ADAMTS9: variants seen among roughly 807,000 people sequenced by gnomAD.
The protein encoded by ADAMTS9 is ADAM metallopeptidase with thrombospondin type 1 motif 9.
A neutral mutation model predicts 257.1 loss-of-function variants in ADAMTS9; 107 were observed. The observed-to-expected ratio is 0.42, with a 90% CI of 0.36 to 0.49. The LOEUF is 0.49. Ranked by LOEUF, ADAMTS9 falls within the 20% of genes least tolerant of loss-of-function variation. ADAMTS9 has a pLI of 0.03. For synonymous variants in ADAMTS9, 982 were observed against 880.9 expected, an observed-to-expected ratio of 1.11 and a Z score of -2.03; for missense variants, 2,353 against 2,469.1, an observed-to-expected ratio of 0.95 and a Z score of 1.00.
chr3:64,635,417 A>G (rs1700471977), intron 12 of ADAMTS9, among the ~76,000 whole-genome samples: 1 of 152,214 alleles, frequency 6.6e-6, no homozygotes, highest in African/African-American at 2.4e-5. Context: ...AGTCTGATCA[A>G]CATTCACCAT....
In ADAMTS9 at chr3:64,654,602, A is replaced by T; in HGVS notation, c.1180T>A (p.Cys394Ser). Residue 394 changes from cysteine (C) to serine (S), a missense_variant, in exon 7 of 40, where the codon TGC (cysteine) becomes AGC (serine). Cys to Ser is a moderately radical substitution (Grantham distance 112). This residue lies in a region of ADAMTS9 where 591 missense variants were observed against 569.6 expected (regional missense o/e 1.04). Coordinates refer to ENST00000498707, the MANE Select transcript of ADAMTS9 (RefSeq NM_182920.2). ...GTATCACATTTGTCGTGAGCTCTGC[A>T]GATATCCTGTCTGAAAGCAAAGCAG... ...TAVLLTRQDICRAHDKCDTLG... is the reference protein window; with the variant it reads ...TAVLLTRQDISRAHDKCDTLG... 1.9e-6 allele frequency: 3 copies of T among 1,614,196 alleles called. No individual in the cohort carries two copies. The highest frequency in any genetic ancestry group is 2.5e-6 in the Non-Finnish European group (3 of 1,180,022).
Position 64,631,913 on chromosome 3 carries a change from C to T in ADAMTS9, c.2188G>A (p.Asp730Asn), listed in dbSNP as rs1308469325. The T allele has an allele frequency of 1.9e-6, 3 of 1,613,062 alleles. No individual in the cohort carries two copies. Among genetic ancestry groups the T allele is most frequent in the East Asian group, 2.2e-5 (1 of 44,842 alleles). ...CGGGCTTTTGAGTTTAAAACATGAT[C>T]GCATCCAGCTTGCTTTTAAAAAGAA... ...VQGLCRQAGC[D>N]HVLNSKARRD... The change falls in exon 15 of 40, where the codon GAT becomes AAT. Residue 730 changes from aspartate (D) to asparagine (N), a missense_variant. Asp to Asn is a conservative substitution (Grantham distance 23). Coordinates refer to ENST00000498707, the MANE Select transcript of ADAMTS9 (RefSeq NM_182920.2).
intron 38 of ADAMTS9, among the ~76,000 whole-genome samples, chr3:64,531,470 T>TAAA (rs35413211): frequency 7.9e-5 from 11 of 139,524 alleles, no homozygotes; most frequent in South Asian, 2.3e-4. Context: ...ATTGTGTACT[T>TAAA]AAAAAAAAAA....
intron 14 of ADAMTS9, among the ~76,000 whole-genome samples, chr3:64,632,937 T>G (rs2106895880): frequency 6.6e-6 from 1 of 152,302 alleles, no homozygotes; most frequent in African/African-American, 2.4e-5. Context: ...ATCTAGCCCC[T>G]GAGAAATCAC....
intron 28 of ADAMTS9, among the ~76,000 whole-genome samples, chr3:64,580,177 T>A (rs1487987571): frequency 2.0e-5 from 3 of 152,228 alleles, no homozygotes; most frequent in African/African-American, 7.2e-5. Flanking sequence ...ATGGGTTTTA[T>A]CCAGGCCAGG....
chr3:64,603,348 G>T (rs1326576539), intron 25 of ADAMTS9, among the ~76,000 whole-genome samples: 1 of 152,036 alleles, frequency 6.6e-6, no homozygotes, highest in Non-Finnish European at 1.5e-5. Flanking sequence ...CTATACTAAT[G>T]TATTTCTTGA....
intron 28 of ADAMTS9, chr3:64,587,509 G>A (rs1329731078): frequency 6.6e-6 from 1 of 152,136 alleles, no homozygotes; most frequent in Non-Finnish European, 1.5e-5. Flanking sequence ...TGTTTCAAGT[G>A]CTCAGTATTA....
chr3:64,579,471 GTCT>G (rs1418117569), intron 28 of ADAMTS9, among the ~76,000 whole-genome samples: 1 of 151,918 alleles, frequency 6.6e-6, no homozygotes, highest in East Asian at 1.9e-4. Flanking sequence ...GGCAACTGCC[GTCT>G]TCTTTCATAA....
At chr3:64,642,224 T>C (rs188187823) in intron 11 of ADAMTS9, among the ~76,000 whole-genome samples, 4 of 152,304 alleles carry the variant, frequency 2.6e-5, no homozygotes, top group African/African-American at 7.2e-5. Flanking sequence ...GGCCAGTGAC[T>C]GGCTCCAGGC....
chr3:64,517,427 T>TTTTTG (rs1559741964), intron 39 of ADAMTS9, among the ~76,000 whole-genome samples: 2 of 129,622 alleles, frequency 1.5e-5, no homozygotes, highest in African/African-American at 2.7e-5. Context: ...TTTTTTTTTT[T>TTTTTG]TTTTTTTTTT....
intron 14 of ADAMTS9, among the ~76,000 whole-genome samples, chr3:64,633,039 G>C (rs1206614128): frequency 6.6e-6 from 1 of 152,132 alleles, no homozygotes; most frequent in South Asian, 2.1e-4. Context: ...AAATGATCGT[G>C]GTTAAAAATG....
intron 6 of ADAMTS9, 51 bp from the exon 7 acceptor site, chr3:64,654,663 A>C (rs1576165059): frequency 1.3e-6 from 2 of 1,588,926 alleles, no homozygotes; most frequent in Non-Finnish European, 1.7e-6. Flanking sequence ...GTAAATGTCA[A>C]TACAAGTAAA....
At chr3:64,532,113 C>T (rs1483894340) in intron 38 of ADAMTS9, among the ~76,000 whole-genome samples, 1 of 152,208 alleles carries the variant, frequency 6.6e-6, no homozygotes, top group Non-Finnish European at 1.5e-5. Flanking sequence ...GGTGATTCTA[C>T]TATACACCCA....
At chr3:64,621,777 T>G (rs57661732) in intron 18 of ADAMTS9, among the ~76,000 whole-genome samples, 1,716 of 101,988 alleles carry the variant, frequency 0.017, 38 homozygotes, top group African/African-American at 0.086. Flanking sequence ...AATAAAAAAA[T>G]AAAAAAATAA....
intron 3 of ADAMTS9, among the ~76,000 whole-genome samples, chr3:64,677,307 GCAGAGA>G (rs1400693591): frequency 1.3e-5 from 2 of 152,136 alleles, no homozygotes; most frequent in African/African-American, 4.8e-5. Context: ...ACAAATAAAT[GCAGAGA>G]CACTCAAATG....
chr3:64,522,611 TA>T, intron 38 of ADAMTS9: 1 of 181,000 alleles, frequency 5.5e-6, no homozygotes, highest in African/African-American at 2.4e-5. Flanking sequence ...CCACATTCAT[TA>T]ATTTACCTGA....
intron 30 of ADAMTS9, 62 bp downstream of exon 30, chr3:64,561,516 G>A: frequency 6.5e-7 from 1 of 1,544,090 alleles, no homozygotes. Context: ...GAACAGATGT[G>A]AGGATAGCAA....
rs551883509 is a variant in ADAMTS9, at chr3:64,673,730, A to T, written c.679+7471T>A. ...TAATATTACGTATCAAATATTAATA[A>T]TATTATAGTTACTTAGGAAAAGATC... On this transcript the variant is annotated intron_variant, in intron 3 of 39. Transcript: ENST00000498707. Among the ~76,000 whole-genome samples the T allele has an allele frequency of 5.7e-4, 86 of 152,068 alleles. 1 individual carries two copies. The highest frequency in any genetic ancestry group is 1.0e-3 in the Non-Finnish European group (69 of 68,008).
intron 28 of ADAMTS9, chr3:64,587,578 C>G (rs774734293): frequency 1.3e-4 from 20 of 152,092 alleles, no homozygotes; most frequent in Non-Finnish European, 2.2e-4. Flanking sequence ...ATTTACATCG[C>G]TGCAGAAAGC....
Sources: allele counts gnomAD v4.1 joint callset (sites outside exome capture counted in the v4.1 genomes callset), GRCh38; gene constraint gnomAD v4.1.1; regional missense constraint gnomAD v4.1.1; transcripts MANE v1.5; gene names NCBI Gene and HGNC (gene_info 2026-07-23, HGNC 2026-07-21).